The following RGS5 variants were observed in gnomAD, a reference collection of about 807,000 sequenced individuals.
RGS5 encodes regulator of G protein signaling 5.
Under a neutral mutation model 18.9 loss-of-function variants are expected in RGS5, and 20 were observed. The observed-to-expected ratio is 1.06, with a 90% CI of 0.74 to 1.54. RGS5 has a LOEUF of 1.54. Ranked by LOEUF, RGS5 falls within the 40% of genes most tolerant of loss-of-function variation. The pLI is 0.00. For missense variants in RGS5, 201 were observed against 211.8 expected, an observed-to-expected ratio of 0.95 and a Z score of 0.32; for synonymous variants, 57 against 76.2, an observed-to-expected ratio of 0.75 and a Z score of 1.31.
At chr1:163,203,620 A>G (rs1659858529), upstream of RGS5, among the ~76,000 whole-genome samples, 1 of 152,250 alleles carries the variant, frequency 6.6e-6, no homozygotes, top group African/African-American at 2.4e-5. Context: ...GTACTAAAAA[A>G]GTGATCTAGG....
intron 2 of RGS5, among the ~76,000 whole-genome samples, chr1:163,297,784 A>C (rs1434902958): frequency 6.6e-6 from 1 of 152,188 alleles, no homozygotes; most frequent in Non-Finnish European, 1.5e-5. Flanking sequence ...CTTCTCTACA[A>C]GAACAAGAAA....
chr1:163,217,553 C>T, exon 1 of RGS5: 17 of 1,546,598 alleles, frequency 1.1e-5, no homozygotes, highest in Non-Finnish European at 1.5e-5. Flanking sequence ...CACTGTGCAT[C>T]TGTAAGATGA....
intron 2 of RGS5, among the ~76,000 whole-genome samples, chr1:163,272,498 A>G (rs1025099360): frequency 6.6e-6 from 1 of 152,132 alleles, no homozygotes; most frequent in African/African-American, 2.4e-5. Context: ...CAAAGTCACA[A>G]AGATGTCCTC....
Position 163,147,392 on chromosome 1 carries a change from A to G in RGS5, c.496T>C (p.Ser166Pro), listed in dbSNP as rs1398193231. 3 of 1,612,614 alleles carry G rather than the reference A, an allele frequency of 1.9e-6. No homozygotes were observed. The highest frequency in any genetic ancestry group is 4.5e-5 in the East Asian group (2 of 44,760). The change falls in exon 5 of 5, where the codon TCT (serine) becomes CCT (proline). Residue 166 changes from serine to proline, a missense_variant. Coordinates refer to ENST00000313961, the MANE Select transcript of RGS5 (RefSeq NM_003617.4). ...KRIHALMEKD[S>P]LPRFVRSEFY... The stretch of plus-strand genomic sequence containing the variant: ...TCAGAGCGCACAAAGCGAGGCAGAG[A>G]ATCCTTTTCCATCAGGGCATGGATT...
chr1:163,263,550 A>C (rs958002964), intron 2 of RGS5, among the ~76,000 whole-genome samples: 1 of 152,108 alleles, frequency 6.6e-6, no homozygotes, highest in Non-Finnish European at 1.5e-5. Context: ...GACCAATCCC[A>C]TTCCTTCACT....
intron 1 of RGS5, among the ~76,000 whole-genome samples, chr1:163,202,041 T>C (rs951980239): frequency 6.6e-6 from 1 of 152,302 alleles, no homozygotes; most frequent in Admixed American, 6.5e-5. Flanking sequence ...TTGTCCAGCC[T>C]ACGGACAACC....
chr1:163,231,528 G>A (rs192213161), intron 2 of RGS5, among the ~76,000 whole-genome samples: 1 of 152,300 alleles, frequency 6.6e-6, no homozygotes, highest in East Asian at 1.9e-4. Flanking sequence ...TTTAACAATA[G>A]TAAACTAAAC....
rs1660173216 is a variant in RGS5, at chr1:163,214,406, G to A, written c.69+3120C>T. Reference sequence around the variant, plus strand: ...CACCACATCCATACTTCACTTCAGGGTGAATCCTTCAGAAACGAACACCTT... The same window carrying A: ...CACCACATCCATACTTCACTTCAGGATGAATCCTTCAGAAACGAACACCTT... On this transcript the variant is annotated intron_variant, in intron 1 of 5. Transcript: ENST00000367903. Among the ~76,000 whole-genome samples the A allele has an allele frequency of 2.0e-5, 3 of 152,086 alleles. No homozygotes were observed. The South Asian group carries it at 6.2e-4, about 32-fold the overall frequency.
In RGS5 at chr1:163,202,882, A is replaced by T; in HGVS notation, c.-47T>A. On this transcript the variant is annotated 5_prime_UTR_variant, in exon 1 of 5. Coordinates refer to ENST00000313961, the MANE Select transcript of RGS5 (RefSeq NM_003617.4). The stretch of plus-strand genomic sequence containing the variant: ...TCCGCTTTAAGTACAACTTCTTAAC[A>T]GCAGAGCCAGTCTTTGAAAACTTCA... The T allele has an allele frequency of 6.3e-7, 1 of 1,586,922 alleles. No individual in the cohort carries two copies. The highest frequency in any genetic ancestry group is 1.1e-5 in the South Asian group (1 of 89,988).
chr1:163,258,661 G>GTA (rs1006987641), intron 2 of RGS5, among the ~76,000 whole-genome samples: 12 of 94,360 alleles, frequency 1.3e-4, no homozygotes, highest in Non-Finnish European at 2.5e-4. Context: ...GTGTGTGTGT[G>GTA]TGTGTGTGTG....
intron 2 of RGS5, among the ~76,000 whole-genome samples, chr1:163,268,907 G>C (rs79594969): frequency 0.066 from 9,979 of 152,094 alleles, 362 homozygotes; most frequent in Middle Eastern, 0.13. Context: ...CATGTCTGCT[G>C]TCTTACCATA....
chr1:163,190,656 G>A (rs569880032), intron 1 of RGS5, among the ~76,000 whole-genome samples: 2 of 152,268 alleles, frequency 1.3e-5, no homozygotes, highest in Non-Finnish European at 2.9e-5. Context: ...GTAGTTCCAC[G>A]GTGTATGGAC....
intron 1 of RGS5, among the ~76,000 whole-genome samples, chr1:163,178,142 C>A (rs772644469): frequency 6.6e-6 from 1 of 151,986 alleles, no homozygotes; most frequent in Non-Finnish European, 1.5e-5. Context: ...CCCGCCGTCT[C>A]TTCTAAAAAT....
intron 1 of RGS5, among the ~76,000 whole-genome samples, chr1:163,195,474 G>T (rs4656388): frequency 0.15 from 22,913 of 151,868 alleles, 1,779 homozygotes; most frequent in South Asian, 0.26. Flanking sequence ...TAGGCTACAG[G>T]GTGCAGTGCT....
intron 2 of RGS5, among the ~76,000 whole-genome samples, chr1:163,268,157 G>T (rs1648616038): frequency 1.3e-5 from 2 of 151,812 alleles, no homozygotes; most frequent in African/African-American, 4.8e-5. Flanking sequence ...TTGCTGGTAG[G>T]GTTATTAGCC....
intron 1 of RGS5, among the ~76,000 whole-genome samples, chr1:163,319,700 C>A (rs1436871545): frequency 6.6e-6 from 1 of 152,068 alleles, no homozygotes; most frequent in Non-Finnish European, 1.5e-5. Flanking sequence ...ACCATGCAGT[C>A]TAGGCTGTGA....
At chr1:163,194,592 T>G (rs958764592) in intron 1 of RGS5, among the ~76,000 whole-genome samples, 3 of 152,134 alleles carry the variant, frequency 2.0e-5, no homozygotes, top group African/African-American at 7.2e-5. Context: ...GTATTCCCTA[T>G]CTAGTACCTT....
intron 2 of RGS5, among the ~76,000 whole-genome samples, chr1:163,282,365 A>T (rs116103094): frequency 6.6e-6 from 1 of 152,274 alleles, no homozygotes; most frequent in East Asian, 1.9e-4. Flanking sequence ...TCAGGAAATT[A>T]AAACCACAAT....
At chr1:163,201,567 AC>A (rs535777889) in intron 1 of RGS5, among the ~76,000 whole-genome samples, 240 of 152,268 alleles carry the variant, frequency 1.6e-3, no homozygotes, top group African/African-American at 5.6e-3. Flanking sequence ...TATATTTCTT[AC>A]TATGGATCAT....
Sources: gnomAD v4.1 joint callset for allele counts (sites outside exome capture counted in the v4.1 genomes callset) on GRCh38, gnomAD v4.1.1 for gene constraint, MANE v1.5 for transcripts, NCBI Gene and HGNC (gene_info 2026-07-23, HGNC 2026-07-21) for gene names.